NSMCE2: variants seen among roughly 807,000 people sequenced by gnomAD.
NSMCE2 encodes the protein E3 SUMO-protein ligase NSE2.
NSMCE2 carries 24 observed loss-of-function variants against 23.8 expected under a neutral mutation model. That is an observed-to-expected ratio of 1.01 (90% CI 0.73 to 1.42). The LOEUF is 1.42. NSMCE2 is among the 40% of genes most tolerant of loss of function. The pLI, the probability that NSMCE2 is intolerant of heterozygous loss-of-function variation, is 0.00. For missense variants in NSMCE2, 284 were observed against 296.5 expected, an observed-to-expected ratio of 0.96 and a Z score of 0.31; for synonymous variants, 92 against 94.1, an observed-to-expected ratio of 0.98 and a Z score of 0.13.
At chr8:125,238,137 C>G (rs1825631478) in intron 5 of NSMCE2, among the ~76,000 whole-genome samples, 1 of 152,154 alleles carries the variant, frequency 6.6e-6, no homozygotes, top group South Asian at 2.1e-4. Flanking sequence ...TTCAAGTCCC[C>G]TCCTAACCCG....
At chr8:125,336,844 G>A (rs1241331082) in intron 5 of NSMCE2, among the ~76,000 whole-genome samples, 1 of 152,204 alleles carries the variant, frequency 6.6e-6, no homozygotes, top group East Asian at 1.9e-4. Context: ...TGACTCCAGT[G>A]GGTGGTTTTT....
At chr8:125,160,298 T>G (rs569408196) in intron 4 of NSMCE2, among the ~76,000 whole-genome samples, 9 of 152,304 alleles carry the variant, frequency 5.9e-5, no homozygotes, top group Non-Finnish European at 1.3e-4. Context: ...TAGAACGTTC[T>G]GTAAAGAACT....
chr8:125,264,467 C>T (rs553606231), intron 5 of NSMCE2, among the ~76,000 whole-genome samples: 17 of 152,228 alleles, frequency 1.1e-4, no homozygotes, highest in South Asian at 4.1e-4. Flanking sequence ...AATGCAATGG[C>T]GCGAGCTCGG....
At chr8:125,133,526 G>T (rs752406309) in intron 3 of NSMCE2, among the ~76,000 whole-genome samples, 1 of 152,128 alleles carries the variant, frequency 6.6e-6, no homozygotes, top group Non-Finnish European at 1.5e-5. Context: ...ATTCACTTGA[G>T]CTCAGGAGTT....
intron 5 of NSMCE2, among the ~76,000 whole-genome samples, chr8:125,318,878 A>G (rs1829313981): frequency 6.6e-6 from 1 of 152,326 alleles, no homozygotes; most frequent in Non-Finnish European, 1.5e-5. Flanking sequence ...TGGAGGAAAT[A>G]TAACTAAGAG....
At chr8:125,270,194 C>T (rs762291345) in intron 5 of NSMCE2, among the ~76,000 whole-genome samples, 3 of 152,104 alleles carry the variant, frequency 2.0e-5, no homozygotes, top group Non-Finnish European at 2.9e-5. Context: ...GGTCCAGGTG[C>T]GGTGACTCAT....
intron 5 of NSMCE2, among the ~76,000 whole-genome samples, chr8:125,251,360 G>T (rs1826190419): frequency 6.6e-6 from 1 of 152,138 alleles, no homozygotes; most frequent in African/African-American, 2.4e-5. Flanking sequence ...TTAAATTTTT[G>T]AGAGATCTTT....
chr8:125,240,471 TAA>T (rs1389640272), intron 5 of NSMCE2, among the ~76,000 whole-genome samples: 3 of 152,206 alleles, frequency 2.0e-5, no homozygotes, highest in Non-Finnish European at 2.9e-5. Context: ...ACATACTTTA[TAA>T]TGAAGCCAAT....
rs563205552 is a variant in NSMCE2 at position 125,262,927 on chromosome 8, C to T, written c.418+80671C>T. Among the ~76,000 whole-genome samples, 9 of 60,634 alleles carry T rather than the reference C, an allele frequency of 1.5e-4. No homozygotes were observed. The East Asian group carries it at 2.9e-3, about 20-fold the overall frequency. The allele number at this position is 60,634 out of a possible 152,430, so 39.8% of individuals were successfully genotyped here. On this transcript the variant is annotated intron_variant, in intron 5 of 7. Transcript: ENST00000287437. ...GGTTTTGACCATTTCAGTGCCTCCG[C>T]GAAAAAAGGTTGAAGATGAGTATCT...
At chr8:125,133,450 T>C (rs188771478) in intron 3 of NSMCE2, among the ~76,000 whole-genome samples, 138 of 152,152 alleles carry the variant, frequency 9.1e-4, no homozygotes, top group African/African-American at 3.3e-3. Context: ...TAGTTTGTCT[T>C]TAAATTCAGC....
chr8:125,205,301 AG>A (rs1755789591), intron 5 of NSMCE2, among the ~76,000 whole-genome samples: 1 of 152,204 alleles, frequency 6.6e-6, no homozygotes, highest in Admixed American at 6.5e-5. Flanking sequence ...ATTAGGAAAA[AG>A]TATGTGCTTG....
intron 3 of NSMCE2, 64 bp downstream of exon 3, chr8:125,102,551 T>C: frequency 7.4e-7 from 1 of 1,350,648 alleles, no homozygotes; most frequent in African/African-American, 1.4e-5. Context: ...GGTATTTATC[T>C]GGGGGTGCCT....
chr8:125,153,808 A>G (rs1184410947), intron 4 of NSMCE2, among the ~76,000 whole-genome samples: 1 of 152,204 alleles, frequency 6.6e-6, no homozygotes, highest in Non-Finnish European at 1.5e-5. Context: ...GGGCTGTAAG[A>G]TAATATATTA....
intron 5 of NSMCE2, among the ~76,000 whole-genome samples, chr8:125,350,113 C>T (rs893540064): frequency 1.3e-5 from 2 of 152,044 alleles, no homozygotes; most frequent in African/African-American, 4.8e-5. Flanking sequence ...GGGAAACATC[C>T]GTGAGCAAGA....
chr8:125,152,581 T>A (rs538050215), intron 4 of NSMCE2, among the ~76,000 whole-genome samples: 5 of 152,342 alleles, frequency 3.3e-5, no homozygotes, highest in African/African-American at 1.2e-4. Context: ...CTTTGACCCT[T>A]ACATTATGTG....
chr8:125,200,395 C>T lies in NSMCE2; in HGVS notation c.418+18139C>T, dbSNP rs1823814528. 2.0e-5 allele frequency among the ~76,000 whole-genome samples: 3 copies of T among 152,130 alleles called. 1 individual carries two copies. The South Asian group carries it at 6.2e-4, about 32-fold the overall frequency. ...TGGTGACAAAATCTCTCAGCATTTG[C>T]TTGTCTGTAAAGGATTTTATTTCTC... On this transcript the variant is annotated intron_variant, in intron 5 of 7. Coordinates refer to ENST00000287437, the MANE Select transcript of NSMCE2 (RefSeq NM_173685.4).
chr8:125,290,759 C>G (rs1828076612), intron 5 of NSMCE2, among the ~76,000 whole-genome samples: 1 of 152,138 alleles, frequency 6.6e-6, no homozygotes, highest in South Asian at 2.1e-4. Flanking sequence ...AGTTCTCAGA[C>G]AGGATGGGCT....
At chr8:125,188,533 T>A (rs557912685) in intron 5 of NSMCE2, among the ~76,000 whole-genome samples, 1 of 152,350 alleles carries the variant, frequency 6.6e-6, no homozygotes, top group South Asian at 2.1e-4. Context: ...AACTCAGAAA[T>A]CTAAGTTACT....
intron 3 of NSMCE2, among the ~76,000 whole-genome samples, chr8:125,134,708 T>G (rs2130584749): frequency 6.6e-6 from 1 of 151,608 alleles, no homozygotes; most frequent in African/African-American, 2.4e-5. Flanking sequence ...AGCCTCTTTG[T>G]TTTTAACGGA....
Sources: gnomAD v4.1 joint callset for allele counts (sites outside exome capture counted in the v4.1 genomes callset) on GRCh38, gnomAD v4.1.1 for gene constraint, MANE v1.5 for transcripts, NCBI Gene and HGNC (gene_info 2026-07-23, HGNC 2026-07-21) for gene names.